Variants in PSMG4 observed in about 807,000 individuals in gnomAD.
PSMG4 encodes the protein proteasome (prosome, macropain) assembly chaperone 4.
PSMG4 carries 10 observed loss-of-function variants against 11.0 expected under a neutral mutation model. The observed-to-expected ratio is 0.91, with a 90% CI of 0.56 to 1.54. The LOEUF (loss-of-function observed/expected upper bound fraction) is 1.54. Ranked by LOEUF, PSMG4 falls within the 40% of genes most tolerant of loss-of-function variation. PSMG4 has a pLI of 0.00. For missense variants in PSMG4, 198 were observed against 160.9 expected, an observed-to-expected ratio of 1.23 and a Z score of -1.25; for synonymous variants, 95 against 71.3, an observed-to-expected ratio of 1.33 and a Z score of -1.68.
upstream of PSMG4, chr6:3,255,256 G>A (rs1413950110): frequency 1.3e-6 from 2 of 1,547,118 alleles, no homozygotes; most frequent in East Asian, 4.9e-5. Context: ...GTTGGGTTCT[G>A]TGTTACCACG....
chr6:3,261,932 C>A (rs1758006726), intron 1 of PSMG4, among the ~76,000 whole-genome samples: 1 of 152,174 alleles, frequency 6.6e-6, no homozygotes, highest in African/African-American at 2.4e-5. Context: ...TTTTGCCAGC[C>A]CACACGTGGA....
At chr6:3,261,431 T>A (rs77742071) in intron 1 of PSMG4, among the ~76,000 whole-genome samples, 22,532 of 152,074 alleles carry the variant, frequency 0.15, 3,495 homozygotes, top group African/African-American at 0.39. Flanking sequence ...TGTGCCACTT[T>A]GTGCAGTGCT....
intron 1 of PSMG4, among the ~76,000 whole-genome samples, chr6:3,260,291 A>ATATATATATAT: frequency 2.8e-5 from 2 of 70,842 alleles, no homozygotes; most frequent in African/African-American, 1.1e-4. Context: ...ATATATATAT[A>ATATATATATAT]TTTTTTTTTT....
At chr6:3,256,129 C>G (rs1483447272), upstream of PSMG4, among the ~76,000 whole-genome samples, 3 of 152,204 alleles carry the variant, frequency 2.0e-5, no homozygotes. Context: ...TTTTCACCAT[C>G]CTCCCCAGGA....
At chr6:3,256,400 C>G (rs543087904), upstream of PSMG4, among the ~76,000 whole-genome samples, 132 of 152,318 alleles carry the variant, frequency 8.7e-4, 1 homozygote, top group Non-Finnish European at 1.6e-3. Context: ...GTTCCCCACT[C>G]GAGAAGGACT....
At chr6:3,256,302 G>A (rs971775546), upstream of PSMG4, among the ~76,000 whole-genome samples, 3 of 152,214 alleles carry the variant, frequency 2.0e-5, no homozygotes, top group African/African-American at 7.2e-5. Context: ...TTATACATTT[G>A]AGGACCAGGG....
Position 3,263,740 on chromosome 6 carries a change from T to C in PSMG4, c.231T>C (p.Thr77=). The change falls in exon 2 of 3, where the codon ACT becomes ACC. Residue 77 remains threonine, a synonymous_variant. Transcript: ENST00000438998. ...GAGACACTTCCGACACGACCTCTAC[T>C]GGCCTTGCCCAGCGCCTAGGTATGT... ...LLGDTSDTTS[T]GLAQRLARKT... 6.4e-7 allele frequency: 1 copy of C among 1,551,402 alleles called. No homozygotes were observed. Among genetic ancestry groups the C allele is most frequent in the Non-Finnish European group, 8.7e-7 (1 of 1,146,824 alleles).
upstream of PSMG4, chr6:3,255,338 A>T (rs146482287): frequency 1.4e-6 from 2 of 1,469,768 alleles, no homozygotes; most frequent in Non-Finnish European, 1.8e-6. Context: ...TGGTGGAGTC[A>T]TTCTATGTAG....
chr6:3,267,640 A>G lies in PSMG4; in HGVS notation c.300A>G (p.Thr100=). 1 of 1,552,188 alleles carries G rather than the reference A, an allele frequency of 6.4e-7. No homozygotes were observed. Among genetic ancestry groups the G allele is most frequent in the Middle Eastern group, 1.7e-4 (1 of 5,996 alleles). ...QVFVSYNLQN[T]DSNFALLVEN... Reference sequence around the variant, plus strand: ...TTGTCAGCTATAACCTTCAGAACACAGACAGTAACTTCGCATTACTTGTAG... The same window carrying G: ...TTGTCAGCTATAACCTTCAGAACACGGACAGTAACTTCGCATTACTTGTAG... Residue 100 remains threonine (T), a synonymous_variant, in exon 3 of 3, where the codon ACA becomes ACG. Coordinates refer to ENST00000438998, the MANE Select transcript of PSMG4 (RefSeq NM_001128591.2).
intron 1 of PSMG4, among the ~76,000 whole-genome samples, chr6:3,259,406 T>TCCCGCCGC (rs1016973782): frequency 2.6e-5 from 4 of 152,178 alleles, no homozygotes; most frequent in Non-Finnish European, 2.9e-5. Context: ...CCTCTCCTTG[T>TCCCGCCGC]CCCGCCGCCC....
chr6:3,259,751 G>A (rs955230018), intron 1 of PSMG4, among the ~76,000 whole-genome samples: 1 of 152,062 alleles, frequency 6.6e-6, no homozygotes, highest in Non-Finnish European at 1.5e-5. Context: ...AGGCACTGCC[G>A]CCAGTCAAAG....
intron 1 of PSMG4, 128 bp downstream of exon 1, chr6:3,259,324 G>C: frequency 1.1e-6 from 1 of 903,404 alleles, no homozygotes; most frequent in Non-Finnish European, 1.4e-6. Flanking sequence ...AAGCCCACCC[G>C]TGGGATGTCT....
At chr6:3,255,104 G>T (rs1455938138), upstream of PSMG4, 1 of 1,550,932 alleles carries the variant, frequency 6.4e-7, no homozygotes. Context: ...CTGCATAGGA[G>T]CACAACATCA....
upstream of PSMG4, chr6:3,255,138 T>C: frequency 1.3e-6 from 2 of 1,550,926 alleles, no homozygotes; most frequent in Admixed American, 2.0e-5. Context: ...TATTGGTCAT[T>C]CTCTTTGAGG....
intron 2 of PSMG4, chr6:3,264,050 C>T: frequency 7.1e-7 from 1 of 1,398,956 alleles, no homozygotes; most frequent in East Asian, 2.5e-5. Flanking sequence ...GTAAGTGCAT[C>T]ACCACCTCCT....
intron 2 of PSMG4, chr6:3,264,292 C>T (rs4959788): frequency 0.77 from 1,199,860 of 1,550,680 alleles, 481,160 homozygotes; most frequent in Non-Finnish European, 0.83. Context: ...ATGCTCCACT[C>T]TTCCCACACC....
At chr6:3,254,912 C>A (rs1477580804), upstream of PSMG4, 13 of 904,776 alleles carry the variant, frequency 1.4e-5, no homozygotes, top group East Asian at 2.7e-4. Context: ...GATCTCTGAG[C>A]TGGTGCTTCA....
At chr6:3,259,853 C>T (rs573578681) in intron 1 of PSMG4, among the ~76,000 whole-genome samples, 1 of 152,326 alleles carries the variant, frequency 6.6e-6, no homozygotes, top group South Asian at 2.1e-4. Context: ...GCCTTTCCGG[C>T]TTTGCGTGTC....
In PSMG4 at chr6:3,259,019, C is replaced by A. The variant is rs999878787; in HGVS notation, c.-4C>A. ...GCGCTGTGGGCCGGGAGCCGTGGGG[C>A]GGCATGGAGGGGCTGGTTGTCGCCG... On this transcript the variant is annotated 5_prime_UTR_variant, in exon 1 of 3. Coordinates refer to ENST00000438998, the MANE Select transcript of PSMG4 (RefSeq NM_001128591.2). 1 of 1,244,900 alleles carries A rather than the reference C, an allele frequency of 8.0e-7. No individual in the cohort carries two copies. The allele number at this position is 1,244,900 out of a possible 1,614,324, so 77.1% of individuals were successfully genotyped here. A position where few individuals can be genotyped will look rare whatever the true frequency, so the allele number is the denominator to read the frequency against.
Sources: gnomAD v4.1 joint callset for allele counts (sites outside exome capture counted in the v4.1 genomes callset) on GRCh38, gnomAD v4.1.1 for gene constraint, MANE v1.5 for transcripts, NCBI Gene and HGNC (gene_info 2026-07-23, HGNC 2026-07-21) for gene names.